ARL5A: variants seen among roughly 807,000 people sequenced by gnomAD.
The protein encoded by ARL5A is ARF like GTPase 5A.
ARL5A carries 18 observed loss-of-function variants against 25.9 expected under a neutral mutation model. That is an observed-to-expected ratio of 0.69 (90% CI 0.48 to 1.03). The LOEUF is 1.03. Ranked by LOEUF, ARL5A falls within the 50% of genes least tolerant of loss-of-function variation. The pLI, the probability that ARL5A is intolerant of heterozygous loss-of-function variation, is 0.00. For synonymous variants in ARL5A, 61 were observed against 67.5 expected (o/e 0.90, Z 0.47); for missense variants, 170 against 211.9 (o/e 0.80, Z 1.23).
chr2:151,802,444 A>T lies in ARL5A; in HGVS notation c.*832T>A, dbSNP rs2151290624. ...TTTAGATGCCATAAGAACCACTGAAAGGAATAATCTGATAGTTGCTCATTG... is the reference window on the plus strand; with the variant it reads ...TTTAGATGCCATAAGAACCACTGAATGGAATAATCTGATAGTTGCTCATTG... On this transcript the variant is annotated 3_prime_UTR_variant, in exon 6 of 6. Transcript: ENST00000295087. The T allele has an allele frequency of 6.6e-6, 1 of 152,250 alleles. No individual in the cohort carries two copies. The highest frequency in any genetic ancestry group is 1.9e-4 in the East Asian group (1 of 5,186). The allele number at this position is 152,250 out of a possible 1,614,324, so 9.4% of individuals were successfully genotyped here.
At chr2:151,824,509 CAAT>C (rs1325623018) in intron 1 of ARL5A, among the ~76,000 whole-genome samples, 6 of 138,142 alleles carry the variant, frequency 4.3e-5, no homozygotes, top group East Asian at 2.0e-4. Flanking sequence ...ATAATAACAA[CAAT>C]AATAAGCCAG....
rs2151290266 is a variant in ARL5A, at chr2:151,801,289, TGAC to T, written c.*1984_*1986del. The T allele has an allele frequency of 6.6e-6, 1 of 152,350 alleles. No homozygotes were observed. Among genetic ancestry groups the T allele is most frequent in the East Asian group, 1.9e-4 (1 of 5,192 alleles). 9.4% of individuals were successfully genotyped at this position (152,350 alleles called of 1,614,324 possible). A position where few individuals can be genotyped will look rare whatever the true frequency, so the allele number is the denominator to read the frequency against. On this transcript the variant is annotated 3_prime_UTR_variant, in exon 6 of 6. Transcript: ENST00000295087. ...TAAATCTGAGCCAACACCTTGATGA[TGAC>T]AAGGGAATGTGCTGATATCGTGTTA...
At chr2:151,807,631 T>A (rs573823022) in intron 4 of ARL5A, among the ~76,000 whole-genome samples, 1 of 152,310 alleles carries the variant, frequency 6.6e-6, no homozygotes, top group East Asian at 1.9e-4. Context: ...ACCTTAGGGC[T>A]TAATTCTCAG....
At chr2:151,809,012 C>T (rs1477216916) in intron 4 of ARL5A, among the ~76,000 whole-genome samples, 4 of 152,222 alleles carry the variant, frequency 2.6e-5, no homozygotes, top group African/African-American at 7.2e-5. Flanking sequence ...AGCGCCACTG[C>T]ACTCCAGCCT....
intron 1 of ARL5A, among the ~76,000 whole-genome samples, chr2:151,815,982 C>T (rs2099831447): frequency 6.6e-6 from 1 of 152,172 alleles, no homozygotes; most frequent in Admixed American, 6.5e-5. Context: ...AGCTAGTGTC[C>T]AAGATGGCCT....
In ARL5A at chr2:151,828,205, A is replaced by G. The variant is rs779236613; in HGVS notation, c.-29T>C. On this transcript the variant is annotated 5_prime_UTR_variant, in exon 1 of 6. Coordinates refer to ENST00000295087, the MANE Select transcript of ARL5A (RefSeq NM_012097.4). ...CGGGCAGCGGACCCCCCCCCTCCAGACACCCGGGCCGCCTGGCTTCCCCCG... is the reference window on the plus strand; with the variant it reads ...CGGGCAGCGGACCCCCCCCCTCCAGGCACCCGGGCCGCCTGGCTTCCCCCG... 1 of 1,596,526 alleles carries G rather than the reference A, an allele frequency of 6.3e-7. No homozygotes were observed. The highest frequency in any genetic ancestry group is 1.4e-5 in the African/African-American group (1 of 73,802).
At chr2:151,811,516 A>G (rs2099830839) in intron 4 of ARL5A, among the ~76,000 whole-genome samples, 1 of 151,966 alleles carries the variant, frequency 6.6e-6, no homozygotes, top group Non-Finnish European at 1.5e-5. Flanking sequence ...TGTTACCGTA[A>G]TATTTTTCTA....
At chr2:151,824,065 A>C (rs1200648639) in intron 1 of ARL5A, among the ~76,000 whole-genome samples, 1 of 152,250 alleles carries the variant, frequency 6.6e-6, no homozygotes, top group Non-Finnish European at 1.5e-5. Flanking sequence ...GCATGCAAAA[A>C]GGGTTTACAA....
At chr2:151,825,505 A>T (rs2099832933) in intron 1 of ARL5A, among the ~76,000 whole-genome samples, 1 of 152,220 alleles carries the variant, frequency 6.6e-6, no homozygotes, top group Non-Finnish European at 1.5e-5. Flanking sequence ...TTTAAATGAC[A>T]GCATCTAGGA....
In ARL5A at chr2:151,828,137, G is replaced by A; in HGVS notation, c.40C>T (p.His14Tyr). 1 of 1,610,150 alleles carries A rather than the reference G, an allele frequency of 6.2e-7. No homozygotes were observed. Among genetic ancestry groups the A allele is most frequent in the Non-Finnish European group, 8.5e-7 (1 of 1,178,152 alleles). Reference protein sequence around the residue: ...LFTRIWRLFNHQEHKVIIVGL... With the variant: ...LFTRIWRLFNYQEHKVIIVGL... ...CGCGGACCGAGCTCCTCACCCTGGT[G>A]ATTGAACAGTCTCCATATTCTAGTG... is the stretch of plus-strand genomic sequence containing the variant. The change falls in exon 1 of 6, where the codon CAC (histidine) becomes TAC (tyrosine). Residue 14 changes from histidine (H) to tyrosine (Y), a missense_variant. By Grantham distance (83) the His-to-Tyr change is moderately conservative. Coordinates refer to ENST00000295087, the MANE Select transcript of ARL5A (RefSeq NM_012097.4).
At chr2:151,816,592 T>G (rs2099831541) in intron 1 of ARL5A, among the ~76,000 whole-genome samples, 1 of 152,214 alleles carries the variant, frequency 6.6e-6, no homozygotes, top group Admixed American at 6.5e-5. Context: ...TTCTTCATTG[T>G]AAGATAGGGG....
At chr2:151,803,406 G>A (rs950337502) in intron 5 of ARL5A, 82 bp from the exon 6 acceptor site, 2 of 980,620 alleles carry the variant, frequency 2.0e-6, no homozygotes, top group Non-Finnish European at 3.2e-6. Flanking sequence ...AACTAAAAGA[G>A]AGCATTTTTC....
intron 1 of ARL5A, among the ~76,000 whole-genome samples, chr2:151,821,638 G>A (rs948989135): frequency 3.3e-5 from 5 of 152,108 alleles, no homozygotes; most frequent in African/African-American, 7.2e-5. Context: ...ACGCAGTCTC[G>A]CTGTTGCCCA....
At chr2:151,812,236 C>A (rs2030588) in intron 4 of ARL5A, 121 bp downstream of exon 4, 508,405 of 577,598 alleles carry the variant, frequency 0.88, 226,963 homozygotes, top group Non-Finnish European at 0.93. Context: ...CAGTGTGGCC[C>A]GCAAATAACT....
chr2:151,803,399 TA>T, intron 5 of ARL5A, 75 bp from the exon 6 acceptor site: 1 of 1,010,084 alleles, frequency 9.9e-7, no homozygotes, highest in Non-Finnish European at 1.5e-6. Context: ...AACAGCAAAC[TA>T]AAAGAGAGCA....
In ARL5A at chr2:151,806,952, C is replaced by T. The variant is rs1369901105; in HGVS notation, c.360G>A (p.Leu120=). ...CATCTTGTTTATTAGCAAAAATCAG[C>T]AATCCAGCTTTTCTTAGGTCCTATT... ...LAHEDLRKAG[L]LIFANKQDVK... The change falls in exon 5 of 6, where the codon TTG becomes TTA. Residue 120 remains leucine, a synonymous_variant. Coordinates refer to ENST00000295087, the MANE Select transcript of ARL5A (RefSeq NM_012097.4). 6.2e-7 allele frequency: 1 copy of T among 1,610,838 alleles called. No individual in the cohort carries two copies. Among genetic ancestry groups the T allele is most frequent in the African/African-American group, 1.3e-5 (1 of 74,694 alleles).
intron 1 of ARL5A, among the ~76,000 whole-genome samples, chr2:151,819,341 T>C (rs114535963): frequency 0.02 from 2,980 of 152,342 alleles, 105 homozygotes; most frequent in African/African-American, 0.068. Flanking sequence ...ATTTTGAATA[T>C]TGCCACCTAA....
chr2:151,823,577 T>C (rs953532974), intron 1 of ARL5A, among the ~76,000 whole-genome samples: 1 of 152,136 alleles, frequency 6.6e-6, no homozygotes, highest in Non-Finnish European at 1.5e-5. Context: ...TAAAAGATTA[T>C]GGGAATGTCA....
In ARL5A at chr2:151,828,146, G is replaced by A. The variant is rs139719620; in HGVS notation, c.31C>T (p.Leu11=). The part of the protein sequence containing the change: MGILFTRIWR[L]FNHQEHKVII... ...AGCTCCTCACCCTGGTGATTGAACAGTCTCCATATTCTAGTGAAGAGAATT... is the reference window on the plus strand; with the variant it reads ...AGCTCCTCACCCTGGTGATTGAACAATCTCCATATTCTAGTGAAGAGAATT... The change falls in exon 1 of 6, where the codon CTG becomes TTG. Residue 11 remains leucine (L), a synonymous_variant. Coordinates refer to ENST00000295087, the MANE Select transcript of ARL5A (RefSeq NM_012097.4). 1.5e-4 allele frequency: 238 copies of A among 1,609,806 alleles called. No individual in the cohort carries two copies. The highest frequency in any genetic ancestry group is 1.9e-4 in the Non-Finnish European group (225 of 1,178,126).
Sources: allele counts gnomAD v4.1 joint callset (sites outside exome capture counted in the v4.1 genomes callset), GRCh38; gene constraint gnomAD v4.1.1; transcripts MANE v1.5; gene names NCBI Gene and HGNC (gene_info 2026-07-23, HGNC 2026-07-21).